SORCS1: variants seen among roughly 807,000 people sequenced by gnomAD.
SORCS1 encodes the protein sortilin related VPS10 domain containing receptor 1.
Under a neutral mutation model 146.1 loss-of-function variants are expected in SORCS1, and 60 were observed. The ratio of observed to expected loss-of-function variants is 0.41; its 90% confidence interval spans 0.33 to 0.51. The LOEUF is 0.51. SORCS1 is among the 20% of genes least tolerant of loss of function. SORCS1 has a pLI of 0.21. For synonymous variants in SORCS1, 637 were observed against 584.0 expected (o/e 1.09, Z -1.31); for missense variants, 1,352 against 1,487.6 (o/e 0.91, Z 1.50).
At chr10:106,986,317 C>T (rs1394969516) in intron 1 of SORCS1, among the ~76,000 whole-genome samples, 1 of 151,390 alleles carries the variant, frequency 6.6e-6, no homozygotes, top group African/African-American at 2.4e-5. Context: ...GATAAAAATC[C>T]CCAAATTTGG....
At chr10:106,589,206 G>A (rs906397492) in intron 24 of SORCS1, among the ~76,000 whole-genome samples, 20 of 152,136 alleles carry the variant, frequency 1.3e-4, no homozygotes, top group African/African-American at 4.8e-4. Context: ...AATCCCTAAA[G>A]GGTTGTTATT....
chr10:106,677,481 T>C (rs551542765), intron 12 of SORCS1, 77 bp from the exon 13 acceptor site: 68 of 1,296,086 alleles, frequency 5.2e-5, no homozygotes, highest in Non-Finnish European at 6.8e-5. Flanking sequence ...AGTCTTCACA[T>C]GAGAACAAAA....
At chr10:106,961,771 G>A (rs1589800001) in intron 1 of SORCS1, among the ~76,000 whole-genome samples, 1 of 152,164 alleles carries the variant, frequency 6.6e-6, no homozygotes, top group Non-Finnish European at 1.5e-5. Context: ...TCCTTTTCTA[G>A]AGATTTGTGA....
chr10:107,113,085 A>G (rs918143381), intron 1 of SORCS1, among the ~76,000 whole-genome samples: 4 of 152,222 alleles, frequency 2.6e-5, no homozygotes, highest in African/African-American at 7.2e-5. Flanking sequence ...AACTTTCTCC[A>G]TGATAGATTA....
intron 1 of SORCS1, among the ~76,000 whole-genome samples, chr10:107,144,523 C>G (rs1374788697): frequency 2.0e-5 from 3 of 152,360 alleles, no homozygotes; most frequent in African/African-American, 7.2e-5. Context: ...GCACACAACT[C>G]TCACATCTCA....
chr10:106,682,363 A>G (rs112201787), intron 10 of SORCS1, among the ~76,000 whole-genome samples: 36 of 152,262 alleles, frequency 2.4e-4, no homozygotes, highest in African/African-American at 7.2e-5. Flanking sequence ...CATTTGTAGT[A>G]CTGGATTGCC....
intron 6 of SORCS1, among the ~76,000 whole-genome samples, chr10:106,728,681 G>T (rs1029541261): frequency 6.6e-6 from 1 of 152,214 alleles, no homozygotes; most frequent in Non-Finnish European, 1.5e-5. Flanking sequence ...GCTTTGTTTG[G>T]CTGTAAGCTG....
At chr10:106,972,899 G>T (rs1955849999) in intron 1 of SORCS1, among the ~76,000 whole-genome samples, 1 of 152,186 alleles carries the variant, frequency 6.6e-6, no homozygotes, top group Non-Finnish European at 1.5e-5. Context: ...ATGAAAACTG[G>T]CTGGGGCTTG....
At chr10:106,972,941 G>T (rs1368789073) in intron 1 of SORCS1, among the ~76,000 whole-genome samples, 1 of 152,126 alleles carries the variant, frequency 6.6e-6, no homozygotes, top group Admixed American at 6.6e-5. Flanking sequence ...GATCTTCTTG[G>T]CTTCTGATCT....
intron 1 of SORCS1, among the ~76,000 whole-genome samples, chr10:106,984,670 G>A (rs1263363145): frequency 6.6e-6 from 1 of 151,918 alleles, no homozygotes; most frequent in Non-Finnish European, 1.5e-5. Context: ...TGGGATTACA[G>A]GCATGAGCCA....
chr10:106,858,448 TCTCTACTAAAA>T (rs1394765182), intron 2 of SORCS1, among the ~76,000 whole-genome samples: 2 of 151,892 alleles, frequency 1.3e-5, no homozygotes, highest in East Asian at 3.9e-4. Flanking sequence ...GGAAACCCCG[TCTCTACTAAAA>T]ATACAAAAAA....
At chr10:106,595,484 C>T (rs113308291) in intron 24 of SORCS1, among the ~76,000 whole-genome samples, 2,407 of 152,164 alleles carry the variant, frequency 0.016, 71 homozygotes, top group African/African-American at 0.053. Flanking sequence ...TAAGTACAAA[C>T]GGCACACCCT....
intron 5 of SORCS1, among the ~76,000 whole-genome samples, chr10:106,746,264 T>C (rs1325579558): frequency 1.3e-5 from 2 of 152,236 alleles, no homozygotes; most frequent in Non-Finnish European, 1.5e-5. Context: ...TGCACCATGG[T>C]AATGTAAGAT....
intron 1 of SORCS1, among the ~76,000 whole-genome samples, chr10:107,147,000 A>G (rs1279202961): frequency 2.0e-5 from 3 of 152,110 alleles, no homozygotes; most frequent in African/African-American, 7.2e-5. Context: ...AGTAAGTATT[A>G]GTTATTATTA....
intron 2 of SORCS1, among the ~76,000 whole-genome samples, chr10:106,893,218 A>T (rs1056447038): frequency 2.0e-5 from 3 of 151,982 alleles, no homozygotes; most frequent in African/African-American, 7.2e-5. Flanking sequence ...AACTTTTATC[A>T]ATTGCCATTC....
At chr10:106,878,633 TA>T (rs1191946751) in intron 2 of SORCS1, among the ~76,000 whole-genome samples, 3 of 135,018 alleles carry the variant, frequency 2.2e-5, no homozygotes, top group Non-Finnish European at 4.8e-5. Flanking sequence ...TATATATATA[TA>T]TATATATATA....
intron 2 of SORCS1, among the ~76,000 whole-genome samples, chr10:106,955,702 C>T (rs1954905034): frequency 6.6e-6 from 1 of 152,202 alleles, no homozygotes; most frequent in African/African-American, 2.4e-5. Context: ...GAATGTTGCC[C>T]TGGGCCAGGC....
chr10:106,868,623 T>A (rs569888934), intron 2 of SORCS1, among the ~76,000 whole-genome samples: 1 of 152,238 alleles, frequency 6.6e-6, no homozygotes, highest in South Asian at 2.1e-4. Context: ...AAGGCAGAAA[T>A]GAAGATGTTC....
intron 21 of SORCS1, 141 bp downstream of exon 21, chr10:106,618,008 C>T: frequency 9.3e-7 from 1 of 1,071,642 alleles, no homozygotes; most frequent in Non-Finnish European, 1.3e-6. Context: ...GAAGATGAGA[C>T]TCGCCTCAGC....
Sources: allele counts gnomAD v4.1 joint callset (sites outside exome capture counted in the v4.1 genomes callset), GRCh38; gene constraint gnomAD v4.1.1; transcripts MANE v1.5; gene names NCBI Gene and HGNC (gene_info 2026-07-23, HGNC 2026-07-21).